The following BAZ2B variants were observed in gnomAD, a reference collection of about 807,000 sequenced individuals.
BAZ2B encodes the protein bromodomain adjacent to zinc finger domain 2B.
Under a neutral mutation model 246.0 loss-of-function variants are expected in BAZ2B, and 91 were observed. The ratio of observed to expected loss-of-function variants is 0.37; its 90% CI spans 0.31 to 0.44. The LOEUF is 0.44. Among genes scored for constraint, BAZ2B ranks in the 20% least tolerant of loss-of-function variants. The pLI is 1.00. For synonymous variants in BAZ2B, 855 were observed against 860.0 expected, an observed-to-expected ratio of 0.99 and a Z score of 0.10; for missense variants, 2,332 against 2,533.7, an observed-to-expected ratio of 0.92 and a Z score of 1.71.
intron 13 of BAZ2B, among the ~76,000 whole-genome samples, chr2:159,426,560 C>T (rs564514493): frequency 2.0e-5 from 3 of 152,018 alleles, no homozygotes; most frequent in South Asian, 4.1e-4. Flanking sequence ...AATAGAAAAC[C>T]CTAGAATATA....
At chr2:159,425,167 G>A (rs1018362089) in intron 13 of BAZ2B, among the ~76,000 whole-genome samples, 3 of 152,054 alleles carry the variant, frequency 2.0e-5, no homozygotes, top group Non-Finnish European at 4.4e-5. Flanking sequence ...AGTTTTAAAA[G>A]ACAGGAAATT....
intron 2 of BAZ2B, among the ~76,000 whole-genome samples, chr2:159,512,413 G>A (rs911928164): frequency 5.3e-5 from 8 of 151,994 alleles, no homozygotes; most frequent in African/African-American, 1.9e-4. Context: ...AACCACTTAC[G>A]TTCACTTTTA....
At position 159,438,713 on chromosome 2, in the gene BAZ2B, A is replaced by C. The variant is rs774300839; in HGVS notation, c.901-18T>G. On this transcript the variant is annotated intron_variant, in intron 7 of 36. Coordinates refer to ENST00000392783, the MANE Select transcript of BAZ2B (RefSeq NM_013450.4). Reference sequence around the variant, plus strand: ...AATAGCACCTAGATATAAAAATGAAAAGGTAAGTTCCTAACATCTATTAAG... The same window carrying C: ...AATAGCACCTAGATATAAAAATGAACAGGTAAGTTCCTAACATCTATTAAG... The C allele has an allele frequency of 2.6e-6, 4 of 1,556,394 alleles. No individual in the cohort carries two copies. In the East Asian group the frequency reaches 9.0e-5, roughly 35 times the overall value.
chr2:159,315,828 G>A (rs779265886), downstream of BAZ2B, among the ~76,000 whole-genome samples: 2 of 152,154 alleles, frequency 1.3e-5, no homozygotes, highest in Non-Finnish European at 2.9e-5. Context: ...AGTATTATTT[G>A]CAGTGACAAT....
At chr2:159,597,947 A>G (rs1578789454) in intron 1 of BAZ2B, among the ~76,000 whole-genome samples, 1 of 152,030 alleles carries the variant, frequency 6.6e-6, no homozygotes, top group East Asian at 1.9e-4. Flanking sequence ...ACACTAAACT[A>G]TCTTTCAGAT....
chr2:159,679,364 G>A, the BAZ2B span, among the ~76,000 whole-genome samples: 1 of 150,176 alleles, frequency 6.7e-6, no homozygotes, highest in Non-Finnish European at 1.5e-5. Flanking sequence ...TTTTATTGCT[G>A]AGCAGTATTC....
chr2:159,371,086 G>A (rs2060801544), intron 27 of BAZ2B, among the ~76,000 whole-genome samples: 1 of 152,194 alleles, frequency 6.6e-6, no homozygotes, highest in African/African-American at 2.4e-5. Flanking sequence ...GGGATTACAG[G>A]TGTGAGACAC....
At chr2:159,376,083 A>G (rs2061384686) in intron 25 of BAZ2B, among the ~76,000 whole-genome samples, 1 of 152,226 alleles carries the variant, frequency 6.6e-6, no homozygotes, top group African/African-American at 2.4e-5. Flanking sequence ...GCATGAACAG[A>G]AGGTACACGG....
chr2:159,477,863 C>A (rs2078789586), intron 3 of BAZ2B, among the ~76,000 whole-genome samples: 2 of 152,172 alleles, frequency 1.3e-5, no homozygotes, highest in Admixed American at 1.3e-4. Context: ...GCTCTTGTTG[C>A]CCAGGCTGGA....
intron 13 of BAZ2B, among the ~76,000 whole-genome samples, chr2:159,418,608 T>C (rs2150016595): frequency 6.6e-6 from 1 of 152,294 alleles, no homozygotes; most frequent in African/African-American, 2.4e-5. Context: ...CTGATTTTTT[T>C]TTTTGGGAAA....
Position 159,563,702 on chromosome 2 carries a change from C to T in BAZ2B, c.-45-7837G>A, listed in dbSNP as rs2090093697. On this transcript the variant is annotated intron_variant, in intron 1 of 36. Coordinates refer to ENST00000392783, the MANE Select transcript of BAZ2B (RefSeq NM_013450.4). ...AGTGGAAGTTCTTATTTAATGGGTA[C>T]AGAGTTTCGGATTTGGAAGATGAAA... Among the ~76,000 whole-genome samples the T allele has an allele frequency of 2.0e-5, 3 of 151,916 alleles. No homozygotes were observed. The South Asian group carries it at 6.2e-4, about 32-fold the overall frequency.
intron 3 of BAZ2B, among the ~76,000 whole-genome samples, chr2:159,477,421 A>G (rs1310814347): frequency 6.6e-6 from 1 of 152,038 alleles, no homozygotes; most frequent in Non-Finnish European, 1.5e-5. Context: ...AGAATATATT[A>G]GAAAATGGTT....
At chr2:159,600,770 T>G (rs1201096271) in intron 1 of BAZ2B, among the ~76,000 whole-genome samples, 3 of 151,974 alleles carry the variant, frequency 2.0e-5, no homozygotes, top group Non-Finnish European at 4.4e-5. Context: ...GGGGGGCCTA[T>G]AAAAAGAAGT....
the BAZ2B span, among the ~76,000 whole-genome samples, chr2:159,663,522 T>C: frequency 1.3e-5 from 2 of 150,174 alleles, no homozygotes; most frequent in Non-Finnish European, 3.0e-5. Flanking sequence ...TGTTTTTTTT[T>C]TTTCTTTTTT....
chr2:159,349,336 A>T (rs2058317186), intron 28 of BAZ2B, 56 bp from the exon 29 acceptor site: 3 of 1,449,370 alleles, frequency 2.1e-6, no homozygotes, highest in Admixed American at 2.5e-5. Flanking sequence ...AAGTTAGGAA[A>T]AATGTTTGGA....
chr2:159,686,996 T>C, the BAZ2B span, among the ~76,000 whole-genome samples: 1 of 139,002 alleles, frequency 7.2e-6, no homozygotes, highest in Non-Finnish European at 1.5e-5. Context: ...GAGCCGAGAT[T>C]GCGCCACTAC....
rs2058371663 is a variant in BAZ2B, at chr2:159,349,879, T to C, written c.4692A>G (p.Pro1564=). The change falls in exon 28 of 37, where the codon CCA becomes CCG. Residue 1564 remains proline, a synonymous_variant. Transcript: ENST00000392783. The part of the protein sequence containing the change: ...EKNRQWFSLL[P]RTPCDDTSLT... ...GTGAAGTGTCATCACAGGGTGTTCG[T>C]GGCAAAAGACTAAACCATTGTCTAT... 1 of 1,614,216 alleles carries C rather than the reference T, an allele frequency of 6.2e-7. No individual in the cohort carries two copies. Among genetic ancestry groups the C allele is most frequent in the Non-Finnish European group, 8.5e-7 (1 of 1,180,030 alleles).
chr2:159,428,437 G>T lies in BAZ2B; in HGVS notation c.2256-18C>A. 1.3e-6 allele frequency: 2 copies of T among 1,570,410 alleles called. No homozygotes were observed. On this transcript the variant is annotated intron_variant, in intron 11 of 36. Transcript: ENST00000392783. ...TCTGCCAGCTACACATAACAGAAAT[G>T]AAGGTTATGACATACTTAATTTCAA...
chr2:159,710,484 A>G, the BAZ2B span, among the ~76,000 whole-genome samples: 2 of 152,232 alleles, frequency 1.3e-5, no homozygotes, highest in African/African-American at 4.8e-5. Context: ...CTGGGATTAC[A>G]GGCATGAGCC....
Sources: gnomAD v4.1 joint callset for allele counts (sites outside exome capture counted in the v4.1 genomes callset) on GRCh38, gnomAD v4.1.1 for gene constraint, MANE v1.5 for transcripts, NCBI Gene and HGNC (gene_info 2026-07-23, HGNC 2026-07-21) for gene names.